Variants in CNTNAP2 observed in about 807,000 individuals in gnomAD.
CNTNAP2 encodes contactin associated protein 2, also known as contactin-associated protein-like 2.
In CNTNAP2, 98 loss-of-function variants were observed where a neutral mutation model predicts 155.2. The ratio of observed to expected loss-of-function variants is 0.63; its 90% confidence interval spans 0.54 to 0.75. The LOEUF (loss-of-function observed/expected upper bound fraction) is 0.75. CNTNAP2 is among the 30% of genes least tolerant of loss of function. The pLI, the probability that CNTNAP2 is intolerant of heterozygous loss-of-function variation, is 0.00. For missense variants in CNTNAP2, 1,727 were observed against 1,688.1 expected (o/e 1.02, Z -0.40); for synonymous variants, 651 against 631.2 (o/e 1.03, Z -0.47).
chr7:148,080,755 C>T (rs907596353), intron 15 of CNTNAP2, among the ~76,000 whole-genome samples: 2 of 151,976 alleles, frequency 1.3e-5, no homozygotes, highest in African/African-American at 4.8e-5. Flanking sequence ...AACACTTTTA[C>T]TGGTATCAGT....
intron 10 of CNTNAP2, among the ~76,000 whole-genome samples, chr7:147,443,664 G>C (rs1037532719): frequency 2.0e-5 from 3 of 152,086 alleles, no homozygotes; most frequent in Non-Finnish European, 4.4e-5. Context: ...TTAGATTCTA[G>C]CATTCCAGCA....
chr7:148,199,465 T>C (rs964916352), intron 18 of CNTNAP2, among the ~76,000 whole-genome samples: 8 of 152,224 alleles, frequency 5.3e-5, no homozygotes, highest in African/African-American at 1.9e-4. Context: ...TGAGATAGAC[T>C]GTAGACATCC....
intron 13 of CNTNAP2, among the ~76,000 whole-genome samples, chr7:147,829,075 A>G (rs1395360863): frequency 6.6e-6 from 1 of 152,196 alleles, no homozygotes; most frequent in Non-Finnish European, 1.5e-5. Context: ...TAATTTATTG[A>G]GCCTTTAGTG....
At chr7:146,517,420 G>A (rs975410459) in intron 1 of CNTNAP2, among the ~76,000 whole-genome samples, 2 of 152,088 alleles carry the variant, frequency 1.3e-5, no homozygotes, top group African/African-American at 4.8e-5. Flanking sequence ...TGACACTTAG[G>A]TATTGATGTT....
At chr7:148,328,930 T>G (rs1429905386) in intron 21 of CNTNAP2, among the ~76,000 whole-genome samples, 1 of 133,690 alleles carries the variant, frequency 7.5e-6, no homozygotes, top group East Asian at 2.5e-4. Flanking sequence ...GAGCCGAGAT[T>G]GTGCCACTGT....
At chr7:147,955,343 A>G (rs1293727399) in intron 14 of CNTNAP2, among the ~76,000 whole-genome samples, 2 of 152,320 alleles carry the variant, frequency 1.3e-5, no homozygotes, top group East Asian at 3.9e-4. Flanking sequence ...ATTTAAGACA[A>G]CATTAAAAAC....
At chr7:147,108,498 A>G in intron 5 of CNTNAP2, 148 bp downstream of exon 5, 1 of 703,678 alleles carries the variant, frequency 1.4e-6, no homozygotes. Context: ...GTAGGTATAT[A>G]ATGAAACACC....
At chr7:146,174,990 T>G (rs1311865146) in intron 1 of CNTNAP2, among the ~76,000 whole-genome samples, 2 of 152,196 alleles carry the variant, frequency 1.3e-5, no homozygotes, top group African/African-American at 4.8e-5. Flanking sequence ...AATCCAGGAT[T>G]ACATGGAGCA....
chr7:147,008,613 GT>G (rs1337814017), intron 3 of CNTNAP2, among the ~76,000 whole-genome samples: 1 of 152,046 alleles, frequency 6.6e-6, no homozygotes, highest in Non-Finnish European at 1.5e-5. Flanking sequence ...TAAGTACGCC[GT>G]CATAAGTAAC....
At chr7:146,969,482 A>C (rs1324849382) in intron 3 of CNTNAP2, among the ~76,000 whole-genome samples, 1 of 152,068 alleles carries the variant, frequency 6.6e-6, no homozygotes, top group Admixed American at 6.6e-5. Context: ...TTGCTTTATG[A>C]ATCTGGGTGC....
At chr7:147,441,302 C>A (rs1313794874) in intron 10 of CNTNAP2, among the ~76,000 whole-genome samples, 4 of 152,052 alleles carry the variant, frequency 2.6e-5, no homozygotes, top group African/African-American at 9.7e-5. Context: ...TTCTGCTTAA[C>A]TTTTTAATTA....
intron 15 of CNTNAP2, among the ~76,000 whole-genome samples, chr7:148,049,242 G>A (rs890524538): frequency 6.6e-5 from 10 of 152,060 alleles, no homozygotes; most frequent in Admixed American, 2.6e-4. Context: ...AAGTGGCTAA[G>A]TCAGTAGTGA....
chr7:146,597,919 A>C (rs955121952), intron 1 of CNTNAP2, among the ~76,000 whole-genome samples: 2 of 152,118 alleles, frequency 1.3e-5, no homozygotes, highest in Non-Finnish European at 2.9e-5. Flanking sequence ...AGTCACATGC[A>C]TCTTTTGGCT....
intron 13 of CNTNAP2, among the ~76,000 whole-genome samples, chr7:147,662,932 CAG>C (rs1315593994): frequency 6.6e-6 from 1 of 152,184 alleles, no homozygotes; most frequent in African/African-American, 2.4e-5. Context: ...TTGCAGAAAA[CAG>C]AAAGTTACTT....
intron 18 of CNTNAP2, among the ~76,000 whole-genome samples, chr7:148,209,960 C>T (rs754249167): frequency 1.3e-5 from 2 of 152,172 alleles, no homozygotes; most frequent in Middle Eastern, 3.2e-3. Context: ...ACTTTCCCTA[C>T]CCCCGTTACC....
At chr7:147,167,949 C>T (rs941913970) in intron 8 of CNTNAP2, among the ~76,000 whole-genome samples, 1 of 150,224 alleles carries the variant, frequency 6.7e-6, no homozygotes, top group Non-Finnish European at 1.5e-5. Flanking sequence ...AATATATTTA[C>T]ATTATATGTG....
At chr7:146,882,084 A>G (rs572200363) in intron 3 of CNTNAP2, among the ~76,000 whole-genome samples, 2 of 152,100 alleles carry the variant, frequency 1.3e-5, no homozygotes, top group East Asian at 1.9e-4. Context: ...CTGTTCCCGC[A>G]TTAATTAGCT....
Position 146,523,257 on chromosome 7 carries a change from A to G in CNTNAP2, c.98-251014A>G, listed in dbSNP as rs544572516. On this transcript the variant is annotated intron_variant, in intron 1 of 23. Transcript: ENST00000361727. ...TAAATTTAGATGGCTAAACATTTAT[A>G]TATCATCAGTAAAATTTCGGTCCAA... 1.5e-3 allele frequency among the ~76,000 whole-genome samples: 221 copies of G among 152,216 alleles called. 1 individual carries two copies. Among genetic ancestry groups the G allele is most frequent in the African/African-American group, 5.2e-3 (216 of 41,550 alleles).
intron 13 of CNTNAP2, among the ~76,000 whole-genome samples, chr7:147,744,085 G>A (rs760326881): frequency 1.5e-4 from 23 of 152,174 alleles, no homozygotes; most frequent in East Asian, 5.8e-4. Context: ...AGCACAGGGC[G>A]TGTTATACAG....
Sources: allele counts gnomAD v4.1 joint callset (sites outside exome capture counted in the v4.1 genomes callset), GRCh38; gene constraint gnomAD v4.1.1; transcripts MANE v1.5; gene names NCBI Gene and HGNC (gene_info 2026-07-23, HGNC 2026-07-21).